Variants in IPO7 observed in about 807,000 individuals in gnomAD.
IPO7 encodes importin-7.
A neutral mutation model predicts 136.4 loss-of-function variants in IPO7; 13 were observed. The observed-to-expected ratio is 0.10, with a 90% confidence interval of 0.06 to 0.15. The LOEUF is 0.15. IPO7 is among the 10% of genes least tolerant of loss of function. The pLI, the probability that IPO7 is intolerant of heterozygous loss-of-function variation, is 1.00. For missense variants in IPO7, 857 were observed against 1,240.6 expected (o/e 0.69, Z 4.65); for synonymous variants, 403 against 404.4 (o/e 1.00, Z 0.04).
chr11:9,419,559 A>AATATATATATAT (rs1244588095), intron 6 of IPO7, among the ~76,000 whole-genome samples: 5 of 116,848 alleles, frequency 4.3e-5, no homozygotes, highest in East Asian at 2.4e-4. Flanking sequence ...AAAAAAAAAA[A>AATATATATATAT]ATATATATAT....
chr11:9,418,579 AAAC>A (rs1207939516), intron 6 of IPO7, among the ~76,000 whole-genome samples: 20 of 152,228 alleles, frequency 1.3e-4, no homozygotes, highest in Non-Finnish European at 2.8e-4. Flanking sequence ...AATGCAGAAG[AAAC>A]AACATTTCTA....
chr11:9,415,446 C>T (rs185845740), intron 5 of IPO7, among the ~76,000 whole-genome samples: 2 of 152,052 alleles, frequency 1.3e-5, no homozygotes, highest in Non-Finnish European at 2.9e-5. Context: ...CTAAACTTGT[C>T]GCAAAAATAC....
At chr11:9,424,524 G>A (rs1220134195) in intron 10 of IPO7, among the ~76,000 whole-genome samples, 1 of 152,154 alleles carries the variant, frequency 6.6e-6, no homozygotes, top group African/African-American at 2.4e-5. Context: ...CAGGCAGATC[G>A]TTTGAGGTCA....
intron 8 of IPO7, among the ~76,000 whole-genome samples, chr11:9,421,050 C>G (rs1855120116): frequency 6.6e-6 from 1 of 151,916 alleles, no homozygotes; most frequent in African/African-American, 2.4e-5. Flanking sequence ...CTTCTGCCTC[C>G]CAGGTTCAAG....
intron 22 of IPO7, among the ~76,000 whole-genome samples, chr11:9,439,831 C>CT (rs1427521181): frequency 6.6e-6 from 1 of 152,104 alleles, no homozygotes; most frequent in Non-Finnish European, 1.5e-5. Context: ...CCTTGGCCTC[C>CT]TAAAGTGTTG....
At chr11:9,436,916 C>G (rs1331941559) in intron 20 of IPO7, among the ~76,000 whole-genome samples, 1 of 116,020 alleles carries the variant, frequency 8.6e-6, no homozygotes, top group East Asian at 2.8e-4. Flanking sequence ...GACGCTGTCT[C>G]GCCCTGTCGC....
At chr11:9,412,333 A>G (rs992607429) in intron 4 of IPO7, among the ~76,000 whole-genome samples, 1 of 152,194 alleles carries the variant, frequency 6.6e-6, no homozygotes, top group African/African-American at 2.4e-5. Flanking sequence ...CAGATACTCA[A>G]TTCTTTATAT....
In IPO7 at chr11:9,428,218, C is replaced by CT. The variant is rs77086263; in HGVS notation, c.1336-319dup. On this transcript the variant is annotated intron_variant, in intron 12 of 24. Transcript: ENST00000379719. ...AGGTTATGTTATTTTCAGCCAGAAA[C>CT]TTTATCAGACAAGTTTTTTCCTTAT... Among the ~76,000 whole-genome samples, 1,321 of 152,246 alleles carry CT rather than the reference C, an allele frequency of 8.7e-3. 7 individuals are homozygous for CT. Among genetic ancestry groups the CT allele is most frequent in the Non-Finnish European group, 0.015 (995 of 68,004 alleles).
At position 9,437,289 on chromosome 11, in the gene IPO7, GC is replaced by G. The variant is rs778341640; in HGVS notation, c.2269-464del. Among the ~76,000 whole-genome samples, 24 of 151,564 alleles carry G rather than the reference GC, an allele frequency of 1.6e-4. No homozygotes were observed. In the East Asian group the frequency reaches 2.2e-3, roughly 14 times the overall value. On this transcript the variant is annotated intron_variant, in intron 20 of 24. Transcript: ENST00000379719. The stretch of plus-strand genomic sequence containing the variant: ...ATATATTTTTTTGAGACAGAGTCTC[GC>G]TCTGTCGCTCAGGCTGGAGTGCAGT...
intron 1 of IPO7, among the ~76,000 whole-genome samples, chr11:9,389,615 A>G (rs909574341): frequency 2.2e-4 from 33 of 152,204 alleles, no homozygotes; most frequent in African/African-American, 7.7e-4. Flanking sequence ...GCTAAGGTGG[A>G]TATGATCTCC....
In IPO7 at chr11:9,429,933, C is replaced by T. The variant is rs936417865; in HGVS notation, c.1752+99C>T. The T allele has an allele frequency of 8.6e-6, 7 of 813,918 alleles. No individual in the cohort carries two copies. In the African/African-American group the frequency reaches 1.1e-4, roughly 12 times the overall value. 50.4% of individuals were successfully genotyped at this position (813,918 alleles called of 1,614,324 possible). A position where few individuals can be genotyped will look rare whatever the true frequency, so the allele number is the denominator to read the frequency against. ...GTGGCTTGCCTTACCTTATAGCAGT[C>T]AACCTTTTTGGCACCTGGGATCGGT... On this transcript the variant is annotated intron_variant, in intron 15 of 24. Transcript: ENST00000379719.
At position 9,398,875 on chromosome 11, in the gene IPO7, T is replaced by A. The variant is rs567840780; in HGVS notation, c.85-4415T>A. ...TTTGTATCTGTTAAATATGTTTCTTTCTTGTTGAAAGAACCTAAAGGCTGG... is the reference window on the plus strand; with the variant it reads ...TTTGTATCTGTTAAATATGTTTCTTACTTGTTGAAAGAACCTAAAGGCTGG... On this transcript the variant is annotated intron_variant, in intron 1 of 24. Coordinates refer to ENST00000379719, the MANE Select transcript of IPO7 (RefSeq NM_006391.3). Among the ~76,000 whole-genome samples the A allele has an allele frequency of 3.3e-5, 5 of 152,302 alleles. No individual in the cohort carries two copies. The South Asian group carries it at 1.0e-3, about 32-fold the overall frequency.
chr11:9,385,515 A>G (rs1854540614), intron 1 of IPO7, among the ~76,000 whole-genome samples: 1 of 152,160 alleles, frequency 6.6e-6, no homozygotes, highest in African/African-American at 2.4e-5. Context: ...AGTGGGAAGG[A>G]TCAGGTGAAG....
At chr11:9,416,913 A>T in intron 5 of IPO7, 146 bp from the exon 6 acceptor site, 1 of 452,616 alleles carries the variant, frequency 2.2e-6, no homozygotes, top group Non-Finnish European at 4.0e-6. Flanking sequence ...ACCATTATAG[A>T]TAACAAGCAA....
At chr11:9,416,630 A>G (rs368370555) in intron 5 of IPO7, among the ~76,000 whole-genome samples, 24 of 152,342 alleles carry the variant, frequency 1.6e-4, no homozygotes, top group East Asian at 9.6e-4. Flanking sequence ...GAATGGATCA[A>G]CAGTAAGAAA....
chr11:9,423,046 A>G lies in IPO7; in HGVS notation c.947A>G (p.Tyr316Cys). 6.2e-7 allele frequency: 1 copy of G among 1,605,164 alleles called. No individual in the cohort carries two copies. The highest frequency in any genetic ancestry group is 1.7e-5 in the Admixed American group (1 of 59,838). The change falls in exon 9 of 25, where the codon TAT becomes TGT. Residue 316 changes from tyrosine to cysteine, a missense_variant. Physicochemically the swap from Tyr to Cys is radical, Grantham distance 194. Transcript: ENST00000379719. The stretch of plus-strand genomic sequence containing the variant: ...TTATATCAGTACAAGGAGAAGCAAT[A>G]TATGGCTCCTCGAGTTTTACAACAG... ...KVLYQYKEKQYMAPRVLQQTL... is the reference protein window; with the variant it reads ...KVLYQYKEKQCMAPRVLQQTL...
chr11:9,395,891 AT>A (rs112796972), intron 1 of IPO7, among the ~76,000 whole-genome samples: 141 of 145,632 alleles, frequency 9.7e-4, no homozygotes, highest in Admixed American at 2.7e-3. Flanking sequence ...TAATTTTTGT[AT>A]TTTTTTTTTA....
intron 19 of IPO7, 137 bp downstream of exon 19, chr11:9,435,168 A>G (rs1855352768): frequency 3.2e-6 from 2 of 617,274 alleles, no homozygotes; most frequent in Non-Finnish European, 5.7e-6. Flanking sequence ...TTTAAAAGTT[A>G]AAAGTCATTG....
Position 9,412,687 on chromosome 11 carries a change from C to T in IPO7, c.480-1568C>T, listed in dbSNP as rs1345358672. 2.6e-5 allele frequency among the ~76,000 whole-genome samples: 4 copies of T among 151,950 alleles called. No individual in the cohort carries two copies. The East Asian group carries it at 7.8e-4, about 29-fold the overall frequency. ...TACAGACAAAAAAGAAAGTAATCAG[C>T]CAGATGTGGTGGCACATGCCTGTAG... On this transcript the variant is annotated intron_variant, in intron 4 of 24. Transcript: ENST00000379719.
Sources: gnomAD v4.1 joint callset for allele counts (sites outside exome capture counted in the v4.1 genomes callset) on GRCh38, gnomAD v4.1.1 for gene constraint, MANE v1.5 for transcripts, NCBI Gene and HGNC (gene_info 2026-07-23, HGNC 2026-07-21) for gene names.